Variants in FHIT observed in about 807,000 individuals in gnomAD.
The protein encoded by FHIT is fragile histidine triad diadenosine triphosphatase, also known as bis(5'-adenosyl)-triphosphatase.
A neutral mutation model predicts 17.9 loss-of-function variants in FHIT; 19 were observed. The observed-to-expected ratio is 1.06, with a 90% CI of 0.74 to 1.56. The LOEUF is 1.56. Among genes scored for constraint, FHIT ranks in the 40% most tolerant of loss-of-function variants. The pLI is 0.00. For synonymous variants in FHIT, 81 were observed against 69.7 expected (o/e 1.16, Z -0.81); for missense variants, 248 against 189.2 (o/e 1.31, Z -1.82).
intron 7 of FHIT, among the ~76,000 whole-genome samples, chr3:59,985,164 G>C (rs1708837852): frequency 6.6e-6 from 1 of 152,118 alleles, no homozygotes; most frequent in African/African-American, 2.4e-5. Flanking sequence ...GCAGCTTCTG[G>C]ACATGGAAAG....
intron 5 of FHIT, among the ~76,000 whole-genome samples, chr3:60,460,131 A>G (rs1168545444): frequency 1.3e-5 from 2 of 150,842 alleles, no homozygotes; most frequent in East Asian, 3.8e-4. Flanking sequence ...TGAAATTAAG[A>G]AATGTCTTCA....
At chr3:60,331,485 C>G (rs921554552) in intron 5 of FHIT, among the ~76,000 whole-genome samples, 1 of 152,186 alleles carries the variant, frequency 6.6e-6, no homozygotes, top group Non-Finnish European at 1.5e-5. Flanking sequence ...ATCTCTAACT[C>G]TGCCCTCATG....
intron 5 of FHIT, among the ~76,000 whole-genome samples, chr3:60,075,968 G>C (rs1309058879): frequency 6.6e-6 from 1 of 152,102 alleles, no homozygotes; most frequent in East Asian, 1.9e-4. Flanking sequence ...CTACGTGTGA[G>C]TTCTGAGTAA....
chr3:60,130,894 T>C (rs962186052), intron 5 of FHIT, among the ~76,000 whole-genome samples: 9 of 144,828 alleles, frequency 6.2e-5, no homozygotes, highest in African/African-American at 1.0e-4. Flanking sequence ...TATACACACA[T>C]ACACATATAT....
intron 2 of FHIT, among the ~76,000 whole-genome samples, chr3:61,120,329 C>T (rs1241711782): frequency 6.6e-6 from 1 of 152,202 alleles, no homozygotes. Context: ...TATATTTAGA[C>T]ATGTCTTGGG....
At chr3:59,946,485 G>C (rs150807382) in intron 7 of FHIT, among the ~76,000 whole-genome samples, 1 of 152,066 alleles carries the variant, frequency 6.6e-6, no homozygotes. Context: ...TTAACTTCCC[G>C]TCTTGCTATT....
At chr3:60,654,390 C>A (rs1365396301) in intron 4 of FHIT, among the ~76,000 whole-genome samples, 1 of 152,084 alleles carries the variant, frequency 6.6e-6, no homozygotes, top group Non-Finnish European at 1.5e-5. Context: ...ATGGGGACAT[C>A]TCAGGATGAT....
At chr3:60,815,508 G>T (rs1232451534) in intron 4 of FHIT, among the ~76,000 whole-genome samples, 3 of 151,970 alleles carry the variant, frequency 2.0e-5, no homozygotes, top group Non-Finnish European at 4.4e-5. Context: ...TTTCTCCATT[G>T]CTTTTGTTAA....
intron 8 of FHIT, among the ~76,000 whole-genome samples, chr3:59,887,118 G>C (rs1359075280): frequency 6.6e-6 from 1 of 152,142 alleles, no homozygotes; most frequent in Non-Finnish European, 1.5e-5. Flanking sequence ...AATTGTGCAG[G>C]GATTCCTAGA....
chr3:60,631,209 T>C (rs1162123087), intron 4 of FHIT, among the ~76,000 whole-genome samples: 1 of 152,162 alleles, frequency 6.6e-6, no homozygotes, highest in Non-Finnish European at 1.5e-5. Flanking sequence ...TTTCAGAGCT[T>C]TAATTTGAGG....
chr3:60,883,992 T>A (rs566895554), intron 3 of FHIT, among the ~76,000 whole-genome samples: 1 of 152,238 alleles, frequency 6.6e-6, no homozygotes, highest in South Asian at 2.1e-4. Flanking sequence ...CCAAAATATA[T>A]AAGGAACTCA....
intron 8 of FHIT, among the ~76,000 whole-genome samples, chr3:59,871,496 T>A (rs1489216646): frequency 6.6e-6 from 1 of 152,010 alleles, no homozygotes; most frequent in Non-Finnish European, 1.5e-5. Flanking sequence ...CCACCCCATT[T>A]TTCAGATGAG....
chr3:60,961,691 T>C (rs1553780925), intron 3 of FHIT, among the ~76,000 whole-genome samples: 3 of 152,196 alleles, frequency 2.0e-5, no homozygotes, highest in African/African-American at 4.8e-5. Context: ...AGGAAATCCT[T>C]TCCCCATTTC....
intron 5 of FHIT, among the ~76,000 whole-genome samples, chr3:60,506,351 T>A (rs564776523): frequency 6.6e-6 from 1 of 152,260 alleles, no homozygotes; most frequent in East Asian, 1.9e-4. Flanking sequence ...TCCTGAACAC[T>A]GGTGCCTTTG....
At chr3:60,185,369 T>C (rs1044145217) in intron 5 of FHIT, among the ~76,000 whole-genome samples, 3 of 152,202 alleles carry the variant, frequency 2.0e-5, no homozygotes, top group Admixed American at 6.5e-5. Context: ...TAAAGTTGCA[T>C]CATGCAGTAG....
At chr3:60,801,513 G>A (rs1305331810) in intron 4 of FHIT, among the ~76,000 whole-genome samples, 3 of 152,224 alleles carry the variant, frequency 2.0e-5, no homozygotes, top group Non-Finnish European at 2.9e-5. Context: ...ACCAGTGGGG[G>A]CTAGTTGGCC....
chr3:60,861,761 T>C lies in FHIT; in HGVS notation c.-110-39750A>G, dbSNP rs112437838. Among the ~76,000 whole-genome samples the C allele has an allele frequency of 4.6e-4, 70 of 152,156 alleles. 1 individual carries two copies. Among genetic ancestry groups the C allele is most frequent in the Middle Eastern group, 3.4e-3 (1 of 294 alleles). On this transcript the variant is annotated intron_variant, in intron 3 of 9. Coordinates refer to ENST00000492590, the MANE Select transcript of FHIT (RefSeq NM_002012.4). ...GGATCAAGCAGTAAACTCAAAGTTATAGGAGACCAAAAAACAAAGTAAGAA... is the reference window on the plus strand; with the variant it reads ...GGATCAAGCAGTAAACTCAAAGTTACAGGAGACCAAAAAACAAAGTAAGAA...
At chr3:61,125,251 G>A (rs1169660590) in intron 2 of FHIT, among the ~76,000 whole-genome samples, 2 of 152,094 alleles carry the variant, frequency 1.3e-5, no homozygotes, top group African/African-American at 2.4e-5. Context: ...TTGAGTACAT[G>A]AACAAGTTTG....
chr3:60,786,356 T>A (rs1335745917), intron 4 of FHIT, among the ~76,000 whole-genome samples: 1 of 152,234 alleles, frequency 6.6e-6, no homozygotes, highest in Non-Finnish European at 1.5e-5. Flanking sequence ...TAATCTTGCT[T>A]TAGTTGATAT....
Sources: gnomAD v4.1 joint callset for allele counts (sites outside exome capture counted in the v4.1 genomes callset) on GRCh38, gnomAD v4.1.1 for gene constraint, MANE v1.5 for transcripts, NCBI Gene and HGNC (gene_info 2026-07-23, HGNC 2026-07-21) for gene names.